DOCK7: variants seen among roughly 807,000 people sequenced by gnomAD.
DOCK7 encodes the protein dedicator of cytokinesis protein 7.
Under a neutral mutation model 271.0 loss-of-function variants are expected in DOCK7, and 138 were observed. That is an observed-to-expected ratio of 0.51 (90% CI 0.44 to 0.59). DOCK7 has a LOEUF of 0.59. DOCK7 is among the 20% of genes least tolerant of loss of function. The pLI, the probability that DOCK7 is intolerant of heterozygous loss-of-function variation, is 0.00. For synonymous variants in DOCK7, 823 were observed against 876.1 expected, an observed-to-expected ratio of 0.94 and a Z score of 1.07; for missense variants, 2,066 against 2,592.4, an observed-to-expected ratio of 0.80 and a Z score of 4.41.
In DOCK7 at chr1:62,654,015, T is replaced by G. The variant is rs1289255687; in HGVS notation, c.289A>C (p.Arg97=). 6.2e-7 allele frequency: 1 copy of G among 1,613,748 alleles called. No homozygotes were observed. The highest frequency in any genetic ancestry group is 8.5e-7 in the Non-Finnish European group (1 of 1,179,884). The change falls in exon 3 of 50, where the codon AGA becomes CGA. Residue 97 remains arginine, a synonymous_variant. Coordinates refer to ENST00000635253, the MANE Select transcript of DOCK7 (RefSeq NM_001367561.1). ...IEVVYSPRDC[R]TLVSAVPEES... is the part of the protein sequence containing the mutation. ...TCAGGTACAGCTGAAACAAGAGTTC[T>G]GCAGTCCCGAGGACTATAAACAACT...
At chr1:62,653,857 G>C in intron 3 of DOCK7, 64 bp from the exon 4 acceptor site, 1 of 1,466,964 alleles carries the variant, frequency 6.8e-7, no homozygotes, top group African/African-American at 1.4e-5. Context: ...CATTAATTTG[G>C]TTGCTACAAT....
intron 28 of DOCK7, among the ~76,000 whole-genome samples, chr1:62,536,997 A>G (rs1645366054): frequency 6.6e-6 from 1 of 152,088 alleles, no homozygotes; most frequent in Non-Finnish European, 1.5e-5. Flanking sequence ...CCACTGAAAA[A>G]CCCATCAATT....
chr1:62,541,718 G>A (rs1448440711), intron 25 of DOCK7, among the ~76,000 whole-genome samples: 1 of 152,118 alleles, frequency 6.6e-6, no homozygotes, highest in African/African-American at 2.4e-5. Flanking sequence ...TAAGTTTTAG[G>A]TGAGTCAGAA....
chr1:62,584,192 T>G, intron 15 of DOCK7: 1 of 984,466 alleles, frequency 1.0e-6, no homozygotes, highest in Non-Finnish European at 1.2e-6. Flanking sequence ...TATTTCTGTT[T>G]CTTTTTGCAA....
At chr1:62,669,651 G>A in intron 1 of DOCK7, among the ~76,000 whole-genome samples, 1 of 152,236 alleles carries the variant, frequency 6.6e-6, no homozygotes, top group East Asian at 1.9e-4. Context: ...TTTGAAATCT[G>A]TTTACCTATC....
chr1:62,550,156 G>A (rs751396912), intron 22 of DOCK7, among the ~76,000 whole-genome samples: 1 of 152,168 alleles, frequency 6.6e-6, no homozygotes, highest in Non-Finnish European at 1.5e-5. Context: ...ATGTGAATGG[G>A]AATGATTCAG....
chr1:62,520,013 T>C (rs933931045), intron 31 of DOCK7, among the ~76,000 whole-genome samples: 1 of 152,202 alleles, frequency 6.6e-6, no homozygotes, highest in African/African-American at 2.4e-5. Flanking sequence ...AAGGATTCCC[T>C]ATTTAATAAA....
chr1:62,676,176 T>C (rs1274009129), intron 1 of DOCK7, among the ~76,000 whole-genome samples: 2 of 152,170 alleles, frequency 1.3e-5, no homozygotes, highest in Non-Finnish European at 2.9e-5. Flanking sequence ...ATGTGCTACA[T>C]ACAATGGAAT....
intron 18 of DOCK7, among the ~76,000 whole-genome samples, chr1:62,569,412 G>A (rs1365539688): frequency 6.6e-6 from 1 of 151,948 alleles, no homozygotes; most frequent in Non-Finnish European, 1.5e-5. Flanking sequence ...CTTCAACCCC[G>A]AGATGCAAGG....
At chr1:62,606,011 A>G (rs536844735) in intron 14 of DOCK7, 1 of 152,200 alleles carries the variant, frequency 6.6e-6, no homozygotes, top group East Asian at 1.9e-4. Flanking sequence ...GTCAATACTT[A>G]GCATTATGTA....
At chr1:62,674,323 C>T (rs1422737395) in intron 1 of DOCK7, among the ~76,000 whole-genome samples, 1 of 152,026 alleles carries the variant, frequency 6.6e-6, no homozygotes, top group South Asian at 2.1e-4. Flanking sequence ...CCCCCACCAA[C>T]CATTTTCATG....
At position 62,542,635 on chromosome 1, in the gene DOCK7, T is replaced by C. The variant is rs749847406; in HGVS notation, c.3018A>G (p.Gln1006=). 1 of 1,612,998 alleles carries C rather than the reference T, an allele frequency of 6.2e-7. No homozygotes were observed. Among genetic ancestry groups the C allele is most frequent in the African/African-American group, 1.3e-5 (1 of 75,018 alleles). ...TTAATTCAAAAAAGAACCAGGCTTG[T>C]TGCAAAGCTGATTCCCGAACGCTGC... ...CSGSVRESAL[Q]QAWFFFELMV... Residue 1006 remains glutamine, a synonymous_variant, in exon 25 of 50, where the codon CAA becomes CAG. Transcript: ENST00000635253.
At chr1:62,469,854 C>T (rs1178440891) in intron 48 of DOCK7, among the ~76,000 whole-genome samples, 1 of 149,814 alleles carries the variant, frequency 6.7e-6, no homozygotes, top group African/African-American at 2.5e-5. Context: ...ATCAAAACCA[C>T]AATGCAATAC....
At chr1:62,653,237 G>A (rs898255571) in intron 4 of DOCK7, among the ~76,000 whole-genome samples, 2 of 152,106 alleles carry the variant, frequency 1.3e-5, no homozygotes, top group African/African-American at 4.8e-5. Flanking sequence ...ATTTTGGCTA[G>A]AACAAAACAT....
intron 18 of DOCK7, among the ~76,000 whole-genome samples, chr1:62,562,018 AT>A (rs1197288682): frequency 2.6e-5 from 4 of 151,654 alleles, no homozygotes; most frequent in East Asian, 1.9e-4. Context: ...ATGTACATAT[AT>A]TTTTATACAC....
rs893988993 is a variant in DOCK7 at position 62,455,128 on chromosome 1, G to C, written c.*286C>G. 1.9e-6 allele frequency: 1 copy of C among 532,984 alleles called. No homozygotes were observed. Among genetic ancestry groups the C allele is most frequent in the African/African-American group, 1.9e-5 (1 of 51,550 alleles). 33.0% of individuals were successfully genotyped at this position (532,984 alleles called of 1,614,324 possible). On this transcript the variant is annotated 3_prime_UTR_variant, in exon 50 of 50. Transcript: ENST00000635253. ...AAATTAAAAAATACGAACTTAAAGTGAATAAATTTTTAACCTTAGCTATGG... is the reference window on the plus strand; with the variant it reads ...AAATTAAAAAATACGAACTTAAAGTCAATAAATTTTTAACCTTAGCTATGG...
At chr1:62,641,751 T>TGGGTGTGTTTTC (rs1557846839) in intron 7 of DOCK7, 1 of 313,948 alleles carries the variant, frequency 3.2e-6, no homozygotes, top group Non-Finnish European at 6.4e-6. Flanking sequence ...AAGGCTAAAT[T>TGGGTGTGTTTTC]GGGTGTGTTT....
At chr1:62,506,717 G>A (rs1166199058) in intron 35 of DOCK7, among the ~76,000 whole-genome samples, 2 of 151,828 alleles carry the variant, frequency 1.3e-5, no homozygotes, top group Non-Finnish European at 2.9e-5. Flanking sequence ...GGAGGCTGAG[G>A]TGGGTGGATC....
At chr1:62,538,093 AATTGAATCTATTATTTCTTTAATACTAAT>A in intron 27 of DOCK7, 32 bp from the exon 28 acceptor site, 1 of 1,587,792 alleles carries the variant, frequency 6.3e-7, no homozygotes, top group East Asian at 2.2e-5. Flanking sequence ...AGAGAACACC[AATTGAATCTATTATTTCTTTAATACTAAT>A]ACCAGAATGG....
Sources: gnomAD v4.1 joint callset for allele counts (sites outside exome capture counted in the v4.1 genomes callset) on GRCh38, gnomAD v4.1.1 for gene constraint, MANE v1.5 for transcripts, NCBI Gene and HGNC (gene_info 2026-07-23, HGNC 2026-07-21) for gene names.